The following TDRD1 variants were observed in gnomAD, a reference collection of about 807,000 sequenced individuals.
TDRD1 encodes the protein tudor domain containing 1, also known as tudor domain-containing protein 1.
Under a neutral mutation model 140.6 loss-of-function variants are expected in TDRD1, and 37 were observed. The observed-to-expected ratio is 0.26, with a 90% CI of 0.20 to 0.35. The LOEUF (loss-of-function observed/expected upper bound fraction) is 0.35, where lower values mean the gene tolerates loss of function less well. TDRD1 is among the 10% of genes least tolerant of loss of function. TDRD1 has a pLI of 1.00. For missense variants in TDRD1, 1,243 were observed against 1,393.0 expected (o/e 0.89, Z 1.71); for synonymous variants, 506 against 475.7 (o/e 1.06, Z -0.83).
chr10:114,228,171 A>G (rs1382382127), intron 25 of TDRD1: 10 of 1,523,290 alleles, frequency 6.6e-6, no homozygotes, highest in Non-Finnish European at 8.8e-6. Context: ...TGTGATCACC[A>G]ATAGGACATC....
chr10:114,223,296 T>C (rs1001503653), intron 21 of TDRD1, among the ~76,000 whole-genome samples: 3 of 152,178 alleles, frequency 2.0e-5, no homozygotes, highest in Non-Finnish European at 4.4e-5. Flanking sequence ...AGTGGCAGGA[T>C]GGCAGCCACG....
At chr10:114,193,638 A>G (rs902253017) in intron 3 of TDRD1, among the ~76,000 whole-genome samples, 18 of 152,236 alleles carry the variant, frequency 1.2e-4, no homozygotes, top group African/African-American at 4.3e-4. Context: ...TACATAGCCA[A>G]TTATATCATA....
intron 5 of TDRD1, 109 bp from the exon 6 acceptor site, chr10:114,202,129 T>A: frequency 1.3e-6 from 1 of 791,354 alleles, no homozygotes; most frequent in South Asian, 2.2e-5. Flanking sequence ...GAAGAAGCTG[T>A]TTTGCTCTTT....
chr10:114,231,827 A>G (rs969674032), exon 26 of TDRD1: 2 of 269,324 alleles, frequency 7.4e-6, no homozygotes, highest in African/African-American at 4.5e-5. Flanking sequence ...GCAGTGGCTC[A>G]CGCCCAGCAC....
intron 1 of TDRD1, among the ~76,000 whole-genome samples, chr10:114,186,454 C>T (rs796254428): frequency 1.9e-4 from 29 of 152,164 alleles, no homozygotes; most frequent in African/African-American, 6.0e-4. Context: ...TTAGTAGAGA[C>T]GGGGTTTCAC....
chr10:114,211,433 C>T (rs976150639), intron 13 of TDRD1, among the ~76,000 whole-genome samples: 3 of 152,206 alleles, frequency 2.0e-5, no homozygotes, highest in African/African-American at 4.8e-5. Flanking sequence ...AAGAGAGGCC[C>T]GGTGGCCTCA....
At chr10:114,177,183 T>G (rs1201542748), upstream of TDRD1, among the ~76,000 whole-genome samples, 1 of 152,240 alleles carries the variant, frequency 6.6e-6, no homozygotes, top group Non-Finnish European at 1.5e-5. Flanking sequence ...TCAAATAATT[T>G]CTGCAGATAC....
At position 114,211,856 on chromosome 10, in the gene TDRD1, C is replaced by T; in HGVS notation, c.1661-10C>T. ...AAAATCATTTGAGATTGAGTCTCTC[C>T]CTTTTTCAGAGGATGATCAGTGGTA... On this transcript the variant is annotated splice_polypyrimidine_tract_variant and intron_variant, in intron 13 of 25. Transcript: ENST00000251864. 1 of 1,510,870 alleles carries T rather than the reference C, an allele frequency of 6.6e-7. No homozygotes were observed. Among genetic ancestry groups the T allele is most frequent in the South Asian group, 1.4e-5 (1 of 71,570 alleles). The allele number at this position is 1,510,870 out of a possible 1,614,324, so 93.6% of individuals were successfully genotyped here.
intron 12 of TDRD1, 33 bp from the exon 13 acceptor site, chr10:114,210,827 C>G: frequency 1.2e-6 from 2 of 1,611,942 alleles, no homozygotes; most frequent in Non-Finnish European, 1.7e-6. Flanking sequence ...TGTATAGATA[C>G]GTATTTCTTT....
At chr10:114,227,441 C>A in intron 23 of TDRD1, 142 bp downstream of exon 23, 2 of 671,838 alleles carry the variant, frequency 3.0e-6, no homozygotes, top group Non-Finnish European at 5.1e-6. Flanking sequence ...GGTTCTGATT[C>A]CTGTGGCTGC....
chr10:114,199,441 C>T lies in TDRD1; in HGVS notation c.529+124C>T. ...GTGTCCCCATGCCACACACCCGTCT[C>T]AGCCTCAGCAGCTGTCAGCATCCTG... On this transcript the variant is annotated intron_variant, in intron 4 of 25. Coordinates refer to ENST00000251864, the Ensembl canonical transcript of TDRD1. 6 of 1,192,376 alleles carry T rather than the reference C, an allele frequency of 5.0e-6. No homozygotes were observed. In the South Asian group the frequency reaches 7.5e-5, roughly 15 times the overall value. The allele number at this position is 1,192,376 out of a possible 1,614,324, so 73.9% of individuals were successfully genotyped here. A position where few individuals can be genotyped will look rare whatever the true frequency, so the allele number is the denominator to read the frequency against.
rs897275515 is a variant in TDRD1 at position 114,222,444 on chromosome 10, A to G, written c.2891-143A>G. The G allele has an allele frequency of 8.4e-6, 3 of 355,648 alleles. No homozygotes were observed. In the South Asian group the frequency reaches 2.6e-4, roughly 31 times the overall value. 22.0% of individuals were successfully genotyped at this position (355,648 alleles called of 1,614,324 possible). A position where few individuals can be genotyped will look rare whatever the true frequency, so the allele number is the denominator to read the frequency against. ...GTGGGTATATTTTCAAGTATCATGTATATTTTATATACATGTATATATTTT... is the reference window on the plus strand; with the variant it reads ...GTGGGTATATTTTCAAGTATCATGTGTATTTTATATACATGTATATATTTT... On this transcript the variant is annotated intron_variant, in intron 20 of 25. Coordinates refer to ENST00000251864, the Ensembl canonical transcript of TDRD1.
exon 26 of TDRD1, chr10:114,231,564 T>G: frequency 6.8e-7 from 1 of 1,472,736 alleles, no homozygotes; most frequent in Non-Finnish European, 9.2e-7. Flanking sequence ...GTACAGCACC[T>G]GGTGTTTTTA....
intron 3 of TDRD1, among the ~76,000 whole-genome samples, chr10:114,198,424 C>T (rs1350531471): frequency 1.3e-5 from 2 of 152,278 alleles, no homozygotes; most frequent in East Asian, 3.9e-4. Flanking sequence ...TGCTGGCACC[C>T]TATTCGCTTG....
chr10:114,213,545 G>A, exon 15 of TDRD1: 1 of 1,613,902 alleles, frequency 6.2e-7, no homozygotes, highest in African/African-American at 1.3e-5. Flanking sequence ...TGGGAGAACA[G>A]AGTATGGTGA....
At chr10:114,228,812 G>T (rs1027126787) in intron 25 of TDRD1, 3 of 983,898 alleles carry the variant, frequency 3.0e-6, no homozygotes, top group Non-Finnish European at 2.4e-6. Context: ...GGCTGGGGGT[G>T]GTGGCTCACG....
At chr10:114,228,733 G>A in intron 25 of TDRD1, 1 of 985,400 alleles carries the variant, frequency 1.0e-6, no homozygotes, top group Non-Finnish European at 1.2e-6. Context: ...AAATGTCTGG[G>A]ATCCTTTGTT....
At chr10:114,186,729 G>A (rs2033562400) in intron 1 of TDRD1, among the ~76,000 whole-genome samples, 4 of 152,156 alleles carry the variant, frequency 2.6e-5, no homozygotes, top group African/African-American at 9.7e-5. Flanking sequence ...CATTCTGTTA[G>A]GGGTCTTCTC....
chr10:114,180,494 T>C (rs2032956467), intron 1 of TDRD1, among the ~76,000 whole-genome samples: 2 of 152,164 alleles, frequency 1.3e-5, no homozygotes, highest in East Asian at 3.9e-4. Context: ...AGTAAGAGTT[T>C]CACTCTTGTT....
Sources: allele counts gnomAD v4.1 joint callset (sites outside exome capture counted in the v4.1 genomes callset), GRCh38; gene constraint gnomAD v4.1.1; transcripts MANE v1.5; gene names NCBI Gene and HGNC (gene_info 2026-07-23, HGNC 2026-07-21).